Variants in RBFOX1 observed in about 807,000 individuals in gnomAD.
RBFOX1 encodes RNA binding protein fox-1 homolog 1.
RBFOX1 carries 8 observed loss-of-function variants against 57.7 expected under a neutral mutation model. That is an observed-to-expected ratio of 0.14 (90% CI 0.08 to 0.25). The LOEUF (loss-of-function observed/expected upper bound fraction) is 0.25. RBFOX1 is among the 10% of genes least tolerant of loss of function. The pLI, the probability that RBFOX1 is intolerant of heterozygous loss-of-function variation, is 1.00. For missense variants in RBFOX1, 611 were observed against 548.5 expected (o/e 1.11, Z -1.14); for synonymous variants, 326 against 222.4 (o/e 1.47, Z -4.15).
At chr16:6,366,973 A>C (rs2089722456) in intron 2 of RBFOX1, among the ~76,000 whole-genome samples, 1 of 152,156 alleles carries the variant, frequency 6.6e-6, no homozygotes, top group African/African-American at 2.4e-5. Context: ...TGCACATGAC[A>C]ATTTTATGTA....
chr16:5,937,141 T>C (rs1277693231), intron 4 of RBFOX1, among the ~76,000 whole-genome samples: 1 of 152,220 alleles, frequency 6.6e-6, no homozygotes, highest in Non-Finnish European at 1.5e-5. Flanking sequence ...CCTGGAAATG[T>C]GCTAATCCTG....
chr16:5,813,465 A>G (rs556000666), intron 3 of RBFOX1, among the ~76,000 whole-genome samples: 6 of 152,340 alleles, frequency 3.9e-5, no homozygotes, highest in African/African-American at 1.4e-4. Context: ...ACAATGGAAT[A>G]TGATTCAGCC....
At chr16:6,813,389 T>C (rs985328047) in intron 3 of RBFOX1, among the ~76,000 whole-genome samples, 16 of 152,132 alleles carry the variant, frequency 1.1e-4, no homozygotes, top group Admixed American at 6.5e-5. Context: ...ATCTTGAGAA[T>C]GCTCGTATGG....
intron 4 of RBFOX1, among the ~76,000 whole-genome samples, chr16:7,061,837 A>G (rs987024708): frequency 1.2e-4 from 19 of 152,170 alleles, no homozygotes; most frequent in African/African-American, 4.6e-4. Context: ...TTTGAGGTCT[A>G]AATACCATTT....
rs183889762 is a variant in RBFOX1, at chr16:7,486,528, A to C, written c.28-31619A>C. On this transcript the variant is annotated intron_variant, in intron 4 of 15. Coordinates refer to ENST00000550418, the MANE Select transcript of RBFOX1 (RefSeq NM_018723.4). ...TTCTCTCGGTTTTATGTCTACATCC[A>C]TAACTTGGGCATAATAACAGCATCT... Among the ~76,000 whole-genome samples, 16 of 152,242 alleles carry C rather than the reference A, an allele frequency of 1.1e-4. No individual in the cohort carries two copies. The East Asian group carries it at 2.9e-3, about 28-fold the overall frequency.
At chr16:5,721,389 G>C (rs7187748) in intron 3 of RBFOX1, among the ~76,000 whole-genome samples, 1,711 of 152,202 alleles carry the variant, frequency 0.011, 34 homozygotes, top group African/African-American at 0.039. Flanking sequence ...GCTTTTCTGT[G>C]TTCAAGATCT....
intron 4 of RBFOX1, among the ~76,000 whole-genome samples, chr16:7,467,026 C>G (rs540551472): frequency 3.3e-5 from 5 of 152,298 alleles, no homozygotes; most frequent in African/African-American, 1.2e-4. Flanking sequence ...ACAGATATGT[C>G]TCTTATCTCT....
intron 2 of RBFOX1, among the ~76,000 whole-genome samples, chr16:5,490,196 A>G (rs1489407715): frequency 1.1e-4 from 16 of 152,216 alleles, no homozygotes; most frequent in Non-Finnish European, 4.4e-5. Flanking sequence ...GGGACCACCT[A>G]TGTTGGGCTC....
chr16:5,938,075 G>A (rs533354436), intron 4 of RBFOX1, among the ~76,000 whole-genome samples: 6 of 151,836 alleles, frequency 4.0e-5, no homozygotes, highest in Non-Finnish European at 8.8e-5. Context: ...TAACATTCTG[G>A]CCAAAAGCTG....
intron 2 of RBFOX1, among the ~76,000 whole-genome samples, chr16:6,635,157 G>A (rs2098421782): frequency 6.8e-6 from 1 of 146,386 alleles, no homozygotes; most frequent in African/African-American, 2.5e-5. Flanking sequence ...TATGATATGA[G>A]TATAATATAT....
intron 4 of RBFOX1, among the ~76,000 whole-genome samples, chr16:7,379,058 T>C (rs1358094497): frequency 1.3e-5 from 2 of 152,322 alleles, no homozygotes; most frequent in South Asian, 4.1e-4. Flanking sequence ...ACAGTACTTA[T>C]CTCATAGAAA....
At chr16:5,652,688 A>G (rs2342718) in intron 3 of RBFOX1, among the ~76,000 whole-genome samples, 2 of 151,944 alleles carry the variant, frequency 1.3e-5, no homozygotes, top group Non-Finnish European at 2.9e-5. Context: ...CAGCTACATA[A>G]AGGGTATAAA....
At chr16:6,304,817 G>A (rs766540347) in intron 1 of RBFOX1, among the ~76,000 whole-genome samples, 5 of 134,074 alleles carry the variant, frequency 3.7e-5, no homozygotes, top group Non-Finnish European at 6.1e-5. Context: ...AAATTGCAGT[G>A]AGCCCACATC....
chr16:7,612,711 A>C (rs531527781), intron 10 of RBFOX1, among the ~76,000 whole-genome samples: 5 of 152,286 alleles, frequency 3.3e-5, no homozygotes, highest in Admixed American at 6.5e-5. Context: ...CTTCATGAAT[A>C]AGTAAAGCAA....
intron 4 of RBFOX1, among the ~76,000 whole-genome samples, chr16:7,187,706 A>C (rs1441303857): frequency 3.2e-5 from 3 of 93,250 alleles, no homozygotes; most frequent in Non-Finnish European, 7.1e-5. Flanking sequence ...AAAAAAAAAA[A>C]AAAAAAAAAA....
chr16:6,842,799 G>C (rs1008397187), intron 3 of RBFOX1, among the ~76,000 whole-genome samples: 4 of 151,820 alleles, frequency 2.6e-5, no homozygotes, highest in Non-Finnish European at 5.9e-5. Context: ...TTAGGTATTT[G>C]TCCTAATGCT....
At chr16:6,920,250 A>C (rs1238175516) in intron 3 of RBFOX1, among the ~76,000 whole-genome samples, 1 of 76,880 alleles carries the variant, frequency 1.3e-5, no homozygotes, top group African/African-American at 4.8e-5. Flanking sequence ...GGGTATGCAC[A>C]TGTGTTTTTT....
intron 4 of RBFOX1, among the ~76,000 whole-genome samples, chr16:7,179,791 G>A (rs1316696142): frequency 6.6e-6 from 1 of 152,058 alleles, no homozygotes; most frequent in Non-Finnish European, 1.5e-5. Flanking sequence ...CTGGAATGCA[G>A]TGGCATGATC....
At chr16:7,057,265 T>G (rs1359846892) in intron 4 of RBFOX1, among the ~76,000 whole-genome samples, 2 of 152,158 alleles carry the variant, frequency 1.3e-5, no homozygotes, top group East Asian at 1.9e-4. Context: ...GTTAAGGTTG[T>G]TTGGAATGCA....
Sources: gnomAD v4.1 joint callset for allele counts (sites outside exome capture counted in the v4.1 genomes callset) on GRCh38, gnomAD v4.1.1 for gene constraint, MANE v1.5 for transcripts, NCBI Gene and HGNC (gene_info 2026-07-23, HGNC 2026-07-21) for gene names.